Variants in LRP1B observed in about 807,000 individuals in gnomAD.
LRP1B encodes the protein LDL receptor related protein 1B, also known as low-density lipoprotein receptor-related protein 1B.
A neutral mutation model predicts 556.6 loss-of-function variants in LRP1B; 217 were observed. The ratio of observed to expected loss-of-function variants is 0.39; its 90% confidence interval spans 0.35 to 0.44. LRP1B has a LOEUF of 0.44. Among genes scored for constraint, LRP1B ranks in the 20% least tolerant of loss-of-function variants. The pLI is 1.00. For missense variants in LRP1B, 5,053 were observed against 5,620.8 expected, an observed-to-expected ratio of 0.90 and a Z score of 3.23; for synonymous variants, 2,047 against 1,865.8, an observed-to-expected ratio of 1.10 and a Z score of -2.50.
In LRP1B at chr2:141,465,003, C is replaced by CA. The variant is rs201764995; in HGVS notation, c.343+15392dup. 6.4e-3 allele frequency among the ~76,000 whole-genome samples: 968 copies of CA among 150,316 alleles called. 7 individuals are homozygous for CA. The highest frequency in any genetic ancestry group is 0.023 in the African/African-American group (917 of 40,626). ...ATATCAGTGGGCTAAGGAAAGGAAA[C>CA]AAAAAAAAGATAGGAAATTTACCAT... On this transcript the variant is annotated intron_variant, in intron 3 of 90. Transcript: ENST00000389484.
intron 3 of LRP1B, among the ~76,000 whole-genome samples, chr2:141,351,061 A>G (rs1573843714): frequency 1.3e-5 from 2 of 152,134 alleles, no homozygotes; most frequent in Non-Finnish European, 1.5e-5. Flanking sequence ...TACTTGTTTG[A>G]GATCCATTTT....
chr2:142,087,144 T>G (rs1257821241), intron 1 of LRP1B, among the ~76,000 whole-genome samples: 1 of 152,194 alleles, frequency 6.6e-6, no homozygotes, highest in Non-Finnish European at 1.5e-5. Context: ...ATTTTAGGTT[T>G]CTACTTTTCG....
At chr2:141,110,879 A>G (rs1254653769) in intron 7 of LRP1B, among the ~76,000 whole-genome samples, 1 of 152,164 alleles carries the variant, frequency 6.6e-6, no homozygotes, top group South Asian at 2.1e-4. Context: ...ACTTAAAACA[A>G]TCATTATACC....
chr2:141,949,895 C>T (rs760310577), intron 1 of LRP1B, among the ~76,000 whole-genome samples: 2 of 152,066 alleles, frequency 1.3e-5, no homozygotes, highest in African/African-American at 4.8e-5. Context: ...ATTTTTCAAC[C>T]CTTTAAAAGA....
chr2:140,241,025 G>A (rs74915348), intron 87 of LRP1B, among the ~76,000 whole-genome samples: 1,984 of 150,944 alleles, frequency 0.013, 23 homozygotes, highest in Non-Finnish European at 0.021. Context: ...TTAGAACTTC[G>A]AGAAATAACT....
chr2:140,821,929 G>T (rs1691342940), intron 31 of LRP1B, among the ~76,000 whole-genome samples: 1 of 151,928 alleles, frequency 6.6e-6, no homozygotes, highest in Non-Finnish European at 1.5e-5. Flanking sequence ...GAATCTGGGA[G>T]GCAGAAGTTG....
At chr2:141,906,825 G>C (rs1196956648) in intron 1 of LRP1B, among the ~76,000 whole-genome samples, 1 of 151,990 alleles carries the variant, frequency 6.6e-6, no homozygotes, top group Non-Finnish European at 1.5e-5. Context: ...TTGTAATCTT[G>C]TAAAACTAGA....
chr2:140,447,597 C>T (rs1558889012), intron 63 of LRP1B, among the ~76,000 whole-genome samples: 2 of 152,114 alleles, frequency 1.3e-5, no homozygotes, highest in Non-Finnish European at 2.9e-5. Flanking sequence ...AGTTTCTTCA[C>T]ATTAGCAAGA....
chr2:141,701,623 A>G (rs1257360712), intron 2 of LRP1B, among the ~76,000 whole-genome samples: 1 of 151,864 alleles, frequency 6.6e-6, no homozygotes, highest in Non-Finnish European at 1.5e-5. Flanking sequence ...ATGTGGGCTA[A>G]TTGAGGACAT....
intron 1 of LRP1B, among the ~76,000 whole-genome samples, chr2:141,966,420 C>T (rs986480090): frequency 6.6e-6 from 1 of 151,870 alleles, no homozygotes; most frequent in Non-Finnish European, 1.5e-5. Flanking sequence ...ACATGAGAAA[C>T]ACCTGGTTCA....
chr2:141,649,561 C>T (rs1689708630), intron 2 of LRP1B, among the ~76,000 whole-genome samples: 2 of 152,132 alleles, frequency 1.3e-5, no homozygotes, highest in African/African-American at 4.8e-5. Context: ...GTATTGATGT[C>T]TCTTTACCTG....
At chr2:141,215,511 A>G (rs772565154) in intron 6 of LRP1B, among the ~76,000 whole-genome samples, 45 of 152,190 alleles carry the variant, frequency 3.0e-4, no homozygotes, top group Non-Finnish European at 1.0e-4. Context: ...GAAGACAAGA[A>G]GATGAGAGAT....
intron 2 of LRP1B, among the ~76,000 whole-genome samples, chr2:141,528,972 C>T (rs983474374): frequency 9.9e-5 from 15 of 152,236 alleles, no homozygotes; most frequent in African/African-American, 3.4e-4. Context: ...AGATGTTTAT[C>T]TAAAGAACAA....
chr2:140,555,511 A>G (rs1053134348), intron 43 of LRP1B, among the ~76,000 whole-genome samples: 2 of 152,110 alleles, frequency 1.3e-5, no homozygotes, highest in Non-Finnish European at 2.9e-5. Context: ...AATAATATAC[A>G]TAAAACACTT....
chr2:140,475,269 T>C lies in LRP1B; in HGVS notation c.9494A>G (p.Gln3165Arg), dbSNP rs1481663787. 3 of 1,612,216 alleles carry C rather than the reference T, an allele frequency of 1.9e-6. No homozygotes were observed. Among genetic ancestry groups the C allele is most frequent in the Non-Finnish European group, 2.5e-6 (3 of 1,178,780 alleles). The change falls in exon 60 of 91, where the codon CAG (glutamine) becomes CGG (arginine). Residue 3165 changes from glutamine to arginine, a missense_variant. By Grantham distance (43) the Gln-to-Arg change is conservative. Transcript: ENST00000389484. ...IGRVGMDGTN[Q>R]SVVIETKISR... is the part of the protein sequence containing the mutation. ...AATCTTGGTTTCTATGACAACACTC[T>C]GATTGGTTCCATCCATTCCAACACG...
intron 32 of LRP1B, among the ~76,000 whole-genome samples, chr2:140,787,043 A>G (rs1689929598): frequency 6.6e-6 from 1 of 152,214 alleles, no homozygotes; most frequent in Non-Finnish European, 1.5e-5. Flanking sequence ...GAAGAGGAAG[A>G]GCAGGATGGG....
chr2:140,501,176 A>G (rs191886165), intron 55 of LRP1B, among the ~76,000 whole-genome samples: 2 of 152,086 alleles, frequency 1.3e-5, no homozygotes, highest in East Asian at 3.9e-4. Context: ...GATATTACAT[A>G]TGGTTTATTT....
chr2:140,352,365 G>A (rs1041449839), intron 76 of LRP1B, among the ~76,000 whole-genome samples: 2 of 151,854 alleles, frequency 1.3e-5, no homozygotes, highest in Non-Finnish European at 1.5e-5. Context: ...TAGTAGAGAC[G>A]GGGTTTCACC....
intron 11 of LRP1B, among the ~76,000 whole-genome samples, chr2:141,024,320 G>C (rs1474345031): frequency 6.6e-6 from 1 of 151,966 alleles, no homozygotes; most frequent in Admixed American, 6.6e-5. Flanking sequence ...GTCAAGGAGG[G>C]TGAATACACA....
Sources: gnomAD v4.1 joint callset for allele counts (sites outside exome capture counted in the v4.1 genomes callset) on GRCh38, gnomAD v4.1.1 for gene constraint, MANE v1.5 for transcripts, NCBI Gene and HGNC (gene_info 2026-07-23, HGNC 2026-07-21) for gene names.